Variants in UTRN observed in about 807,000 individuals in gnomAD.
The protein encoded by UTRN is dystrophin-related protein 1.
UTRN carries 283 observed loss-of-function variants against 463.9 expected under a neutral mutation model. The observed-to-expected ratio is 0.61, with a 90% CI of 0.55 to 0.67. The LOEUF (loss-of-function observed/expected upper bound fraction) is 0.67, where lower values mean the gene tolerates loss of function less well. Among genes scored for constraint, UTRN ranks in the 30% least tolerant of loss-of-function variants. The pLI is 0.00. For missense variants in UTRN, 3,922 were observed against 4,084.3 expected (o/e 0.96, Z 1.08); for synonymous variants, 1,442 against 1,431.5 (o/e 1.01, Z -0.17).
chr6:144,774,181 A>G lies in UTRN; in HGVS notation c.8558-109A>G, dbSNP rs1775102062. On this transcript the variant is annotated intron_variant, in intron 59 of 74. Coordinates refer to ENST00000367545, the MANE Select transcript of UTRN (RefSeq NM_007124.3). ...AATTTGGGAGAAGACTTTTTATTTC[A>G]GGCAAACATAATATTTTTTCATCAT... 11 of 1,088,862 alleles carry G rather than the reference A, an allele frequency of 1.0e-5. 1 individual carries two copies. In the South Asian group the frequency reaches 1.7e-4, roughly 17 times the overall value. 67.5% of individuals were successfully genotyped at this position (1,088,862 alleles called of 1,614,324 possible).
chr6:144,786,382 T>TGAAAA (rs1434504444), intron 61 of UTRN, among the ~76,000 whole-genome samples: 1 of 152,138 alleles, frequency 6.6e-6, no homozygotes, highest in Non-Finnish European at 1.5e-5. Context: ...GACTCCCTGG[T>TGAAAA]TCAAGCGATT....
intron 65 of UTRN, among the ~76,000 whole-genome samples, chr6:144,811,211 C>A (rs1410634744): frequency 6.6e-6 from 1 of 152,052 alleles, no homozygotes; most frequent in Non-Finnish European, 1.5e-5. Context: ...TTGTTTTGAT[C>A]AATCCTTTCC....
chr6:144,454,242 A>T (rs1399587490), intron 19 of UTRN, among the ~76,000 whole-genome samples: 1 of 152,188 alleles, frequency 6.6e-6, no homozygotes, highest in Non-Finnish European at 1.5e-5. Flanking sequence ...TTGGGAAACG[A>T]AGTTACGTTA....
chr6:144,424,054 T>C lies in UTRN; in HGVS notation c.381T>C (p.Leu127=). The change falls in exon 6 of 75, where the codon CTT becomes CTC. Residue 127 remains leucine (L), a synonymous_variant. Transcript: ENST00000367545. ...DGNHKLTLGL[L]WSIILHWQVK... ...ATCACAAACTGACTTTGGGGTTACT[T>C]TGGAGCATCATTTTGCACTGGCAGG... The C allele has an allele frequency of 6.2e-7, 1 of 1,614,214 alleles. No individual in the cohort carries two copies. Among genetic ancestry groups the C allele is most frequent in the Non-Finnish European group, 8.5e-7 (1 of 1,180,040 alleles).
chr6:144,530,755 T>C (rs1796978854), intron 41 of UTRN, among the ~76,000 whole-genome samples: 1 of 151,848 alleles, frequency 6.6e-6, no homozygotes, highest in Non-Finnish European at 1.5e-5. Context: ...TGTGAGTGTG[T>C]ATGTGAGTGT....
chr6:144,320,668 A>C (rs978276547), intron 2 of UTRN, among the ~76,000 whole-genome samples: 2 of 152,206 alleles, frequency 1.3e-5, no homozygotes, highest in African/African-American at 4.8e-5. Flanking sequence ...TCTGGGGCAA[A>C]GGACAGTTTC....
At chr6:144,742,941 A>G (rs888123814) in intron 54 of UTRN, among the ~76,000 whole-genome samples, 6 of 152,238 alleles carry the variant, frequency 3.9e-5, no homozygotes, top group African/African-American at 1.4e-4. Flanking sequence ...TAAATAAGGT[A>G]TTTGGAATTA....
chr6:144,689,544 C>G (rs1332695842), intron 52 of UTRN, among the ~76,000 whole-genome samples: 7 of 152,222 alleles, frequency 4.6e-5, no homozygotes, highest in African/African-American at 7.2e-5. Flanking sequence ...GAGGGCCAGA[C>G]TATTGTGAAT....
At chr6:144,409,944 C>T (rs1253332584) in intron 3 of UTRN, among the ~76,000 whole-genome samples, 1 of 152,130 alleles carries the variant, frequency 6.6e-6, no homozygotes, top group African/African-American at 2.4e-5. Flanking sequence ...GAATTTCACA[C>T]AAATATTCAG....
intron 2 of UTRN, among the ~76,000 whole-genome samples, chr6:144,305,488 T>C (rs1448310630): frequency 2.6e-5 from 4 of 152,194 alleles, no homozygotes; most frequent in Non-Finnish European, 4.4e-5. Flanking sequence ...ATAATGCTGA[T>C]TTGTGAACTG....
chr6:144,741,395 A>T (rs1291380426), intron 54 of UTRN, among the ~76,000 whole-genome samples: 2 of 152,006 alleles, frequency 1.3e-5, no homozygotes, highest in Non-Finnish European at 2.9e-5. Context: ...AAAGGGGAGA[A>T]TTTTCTTCTT....
At chr6:144,632,784 A>G (rs1009627560) in intron 51 of UTRN, among the ~76,000 whole-genome samples, 2 of 151,604 alleles carry the variant, frequency 1.3e-5, no homozygotes, top group African/African-American at 4.9e-5. Context: ...TGCAATGGCA[A>G]GATCTTGGCT....
chr6:144,468,372 T>C (rs1457471622), intron 23 of UTRN, among the ~76,000 whole-genome samples: 1 of 152,218 alleles, frequency 6.6e-6, no homozygotes, highest in Non-Finnish European at 1.5e-5. Context: ...GACCCTTCCA[T>C]ACTAGAATAT....
chr6:144,532,948 T>C, intron 42 of UTRN, 137 bp from the exon 43 acceptor site: 2 of 488,518 alleles, frequency 4.1e-6, no homozygotes. Flanking sequence ...AAATGCCTTT[T>C]TTTTCTAACA....
At chr6:144,489,988 C>T (rs753877335) in intron 30 of UTRN, 83 bp from the exon 31 acceptor site, 130 of 1,523,884 alleles carry the variant, frequency 8.5e-5, no homozygotes, top group Middle Eastern at 1.8e-4. Context: ...TATTACACAA[C>T]GATATAGAAC....
At chr6:144,803,169 T>C in intron 65 of UTRN, 22 bp downstream of exon 65, 1 of 1,407,552 alleles carries the variant, frequency 7.1e-7, no homozygotes, top group Non-Finnish European at 9.4e-7. Context: ...CCCACTGTTT[T>C]GTTTTTAATA....
intron 34 of UTRN, among the ~76,000 whole-genome samples, chr6:144,506,330 T>C (rs1794689762): frequency 6.6e-6 from 1 of 152,170 alleles, no homozygotes; most frequent in South Asian, 2.1e-4. Context: ...TTTTGCCCAT[T>C]AGTTGATGCA....
At chr6:144,704,295 A>G (rs1246649714) in intron 53 of UTRN, among the ~76,000 whole-genome samples, 1 of 152,144 alleles carries the variant, frequency 6.6e-6, no homozygotes, top group Non-Finnish European at 1.5e-5. Context: ...CTTTTTCTTT[A>G]GCTGCCTTCC....
At chr6:144,732,556 T>C (rs1194988546) in intron 54 of UTRN, among the ~76,000 whole-genome samples, 1 of 152,036 alleles carries the variant, frequency 6.6e-6, no homozygotes, top group Non-Finnish European at 1.5e-5. Context: ...GTAATCATAT[T>C]CGTGTTTCTC....
Sources: gnomAD v4.1 joint callset for allele counts (sites outside exome capture counted in the v4.1 genomes callset) on GRCh38, gnomAD v4.1.1 for gene constraint, MANE v1.5 for transcripts, NCBI Gene and HGNC (gene_info 2026-07-23, HGNC 2026-07-21) for gene names.